Variants in LSAMP observed in about 807,000 individuals in gnomAD.
LSAMP encodes the protein limbic system-associated membrane protein.
LSAMP carries 7 observed loss-of-function variants against 38.6 expected under a neutral mutation model. The observed-to-expected ratio is 0.18, with a 90% confidence interval of 0.10 to 0.34. The LOEUF is 0.34. Ranked by LOEUF, LSAMP falls within the 10% of genes least tolerant of loss-of-function variation. LSAMP has a pLI of 1.00. For missense variants in LSAMP, 313 were observed against 420.0 expected (o/e 0.75, Z 2.23); for synonymous variants, 154 against 166.8 (o/e 0.92, Z 0.59).
rs1204875225 is a variant in LSAMP, at chr3:116,445,115, C to A, written c.-84G>T. On this transcript the variant is annotated 5_prime_UTR_variant, in exon 1 of 7. Coordinates refer to ENST00000490035, the MANE Select transcript of LSAMP (RefSeq NM_002338.5). ...GAGGAGAGGCTTCACCAACACGGGG[C>A]TTTCATCCACAGCGAGCGCAGAGCG... 2 of 1,388,712 alleles carry A rather than the reference C, an allele frequency of 1.4e-6. No homozygotes were observed. The highest frequency in any genetic ancestry group is 2.0e-6 in the Non-Finnish European group (2 of 1,017,714). The allele number at this position is 1,388,712 out of a possible 1,614,324, so 86.0% of individuals were successfully genotyped here.
chr3:116,105,631 G>T (rs933930769), intron 1 of LSAMP, among the ~76,000 whole-genome samples: 2 of 152,184 alleles, frequency 1.3e-5, no homozygotes, highest in Admixed American at 1.3e-4. Flanking sequence ...CTCAGTTAAA[G>T]TGGGGCAGGA....
At chr3:116,346,290 A>G (rs2048062207) in intron 1 of LSAMP, among the ~76,000 whole-genome samples, 1 of 151,376 alleles carries the variant, frequency 6.6e-6, no homozygotes, top group Non-Finnish European at 1.5e-5. Flanking sequence ...TCTTGAATTC[A>G]GGAAACATGA....
rs187667342 is a variant in LSAMP, at chr3:115,988,712, T to C, written c.514+30803A>G. ...AACACATATTTACTTCTTTATATTC[T>C]TTTTTGATTTCCTTCATTTTTAATA... On this transcript the variant is annotated intron_variant, in intron 3 of 6. Transcript: ENST00000490035. Among the ~76,000 whole-genome samples the C allele has an allele frequency of 2.9e-3, 448 of 152,256 alleles. 4 individuals carry two copies. The highest frequency in any genetic ancestry group is 0.019 in the Admixed American group (290 of 15,270).
chr3:116,025,414 G>A (rs1188791521), intron 2 of LSAMP, among the ~76,000 whole-genome samples: 2 of 151,918 alleles, frequency 1.3e-5, no homozygotes, highest in Admixed American at 1.3e-4. Context: ...TTTTGTTTAT[G>A]ATTATTTTTG....
chr3:116,298,158 A>G (rs1338888391), intron 1 of LSAMP, among the ~76,000 whole-genome samples: 1 of 152,208 alleles, frequency 6.6e-6, no homozygotes, highest in Non-Finnish European at 1.5e-5. Flanking sequence ...TTGCAGACAC[A>G]GATACCTAAA....
At chr3:116,072,506 C>T (rs1172362780) in intron 2 of LSAMP, among the ~76,000 whole-genome samples, 1 of 152,112 alleles carries the variant, frequency 6.6e-6, no homozygotes, top group Non-Finnish European at 1.5e-5. Context: ...CTGATTTATA[C>T]TCACCCCAAC....
chr3:116,138,305 CAT>C (rs921293038), intron 1 of LSAMP, among the ~76,000 whole-genome samples: 30 of 152,180 alleles, frequency 2.0e-4, no homozygotes, highest in African/African-American at 5.3e-4. Context: ...ACATATGAAA[CAT>C]AATTCATAAT....
intron 1 of LSAMP, among the ~76,000 whole-genome samples, chr3:116,305,604 T>A (rs1294190269): frequency 6.6e-6 from 1 of 150,654 alleles, no homozygotes. Flanking sequence ...AGAAAGAAAA[T>A]AAATAACATT....
At chr3:116,098,027 AC>A (rs1216108442) in intron 1 of LSAMP, among the ~76,000 whole-genome samples, 3 of 151,748 alleles carry the variant, frequency 2.0e-5, no homozygotes, top group Admixed American at 6.6e-5. Context: ...GAGCCACCAC[AC>A]CTGGCCAGAA....
chr3:115,923,546 T>A (rs1299881292), intron 3 of LSAMP, among the ~76,000 whole-genome samples: 1 of 152,222 alleles, frequency 6.6e-6, no homozygotes, highest in Non-Finnish European at 1.5e-5. Context: ...ATCACTCCTA[T>A]GTAAGTCTTA....
intron 2 of LSAMP, among the ~76,000 whole-genome samples, chr3:116,048,604 T>C (rs939851729): frequency 6.6e-6 from 1 of 152,208 alleles, no homozygotes; most frequent in African/African-American, 2.4e-5. Context: ...TGAGCTACTT[T>C]TGCATTCACA....
chr3:116,299,744 T>C (rs1216669972), intron 1 of LSAMP, among the ~76,000 whole-genome samples: 1 of 152,158 alleles, frequency 6.6e-6, no homozygotes, highest in Non-Finnish European at 1.5e-5. Context: ...TGCAGAATGA[T>C]GAGAAACCTA....
In LSAMP at chr3:116,141,511, C is replaced by G. The variant is rs556598896; in HGVS notation, c.156-54955G>C. ...ACTCTGCGATTTTCGTTTCTACCTC[C>G]TCCCCCAAATCCCAAGTTAAATTAC... On this transcript the variant is annotated intron_variant, in intron 1 of 6. Coordinates refer to ENST00000490035, the MANE Select transcript of LSAMP (RefSeq NM_002338.5). Among the ~76,000 whole-genome samples the G allele has an allele frequency of 2.6e-5, 4 of 152,032 alleles. No individual in the cohort carries two copies. In the East Asian group the frequency reaches 7.8e-4, roughly 29 times the overall value.
intron 3 of LSAMP, among the ~76,000 whole-genome samples, chr3:115,922,508 T>C (rs1937406333): frequency 6.6e-6 from 1 of 152,212 alleles, no homozygotes; most frequent in Non-Finnish European, 1.5e-5. Flanking sequence ...TTCATGATGC[T>C]TATTTTGAAT....
intron 1 of LSAMP, among the ~76,000 whole-genome samples, chr3:116,229,782 C>T (rs897082318): frequency 2.0e-5 from 3 of 152,032 alleles, no homozygotes; most frequent in African/African-American, 7.2e-5. Flanking sequence ...TCAAGGTCTT[C>T]AGGAGTCATT....
chr3:116,094,523 C>T (rs1201406874), intron 1 of LSAMP, among the ~76,000 whole-genome samples: 1 of 152,186 alleles, frequency 6.6e-6, no homozygotes, highest in African/African-American at 2.4e-5. Context: ...GATTATCTCC[C>T]CTCACCCTTG....
rs539621135 is a variant in LSAMP at position 115,880,654 on chromosome 3, A to G, written c.515-28037T>C. Among the ~76,000 whole-genome samples the G allele has an allele frequency of 1.4e-3, 216 of 152,272 alleles. 1 individual carries two copies. Among genetic ancestry groups the G allele is most frequent in the Admixed American group, 3.3e-3 (50 of 15,272 alleles). Reference sequence around the variant, plus strand: ...ATTAATGTAACCACTGAGTAAATAGAGAATATTTTTAATAAGTTTGAAAAT... The same window carrying G: ...ATTAATGTAACCACTGAGTAAATAGGGAATATTTTTAATAAGTTTGAAAAT... On this transcript the variant is annotated intron_variant, in intron 3 of 6. Coordinates refer to ENST00000490035, the MANE Select transcript of LSAMP (RefSeq NM_002338.5).
At chr3:116,012,659 C>A (rs573193871) in intron 3 of LSAMP, among the ~76,000 whole-genome samples, 1 of 151,964 alleles carries the variant, frequency 6.6e-6, no homozygotes, top group Non-Finnish European at 1.5e-5. Flanking sequence ...TGGATGTTAG[C>A]TTTTTTAAAA....
chr3:115,842,162 C>T (rs1221618579), intron 5 of LSAMP, among the ~76,000 whole-genome samples, 169 bp from the exon 6 acceptor site: 1 of 152,188 alleles, frequency 6.6e-6, no homozygotes, highest in African/African-American at 2.4e-5. Context: ...TTATCAGAAT[C>T]AATGTCCATC....
Sources: gnomAD v4.1 joint callset for allele counts (sites outside exome capture counted in the v4.1 genomes callset) on GRCh38, gnomAD v4.1.1 for gene constraint, MANE v1.5 for transcripts, NCBI Gene and HGNC (gene_info 2026-07-23, HGNC 2026-07-21) for gene names.